Variants in SRRM3 observed in about 807,000 individuals in gnomAD.
The protein encoded by SRRM3 is serine/arginine repetitive matrix protein 3.
Under a neutral mutation model 66.2 loss-of-function variants are expected in SRRM3, and 27 were observed. The ratio of observed to expected loss-of-function variants is 0.41; its 90% CI spans 0.30 to 0.56. The LOEUF (loss-of-function observed/expected upper bound fraction) is 0.56. Ranked by LOEUF, SRRM3 falls within the 20% of genes least tolerant of loss-of-function variation. The probability of loss-of-function intolerance (pLI) is 0.32; values close to 1 mark genes in which losing one functional copy is unlikely to be tolerated. For synonymous variants in SRRM3, 391 were observed against 414.9 expected (o/e 0.94, Z 0.70); for missense variants, 918 against 991.9 (o/e 0.93, Z 1.00).
chr7:76,282,665 C>G lies in SRRM3; in HGVS notation c.1388C>G (p.Pro463Arg), dbSNP rs1383359268. Residue 463 changes from proline to arginine, a missense_variant, in exon 13 of 15, where the codon CCG (proline) becomes CGG (arginine). Pro to Arg is a moderately radical substitution (Grantham distance 103, BLOSUM62 -2). Transcript: ENST00000611745. ...TCCTCCAGGGCCAAGGAGCGGCCCC[C>G]GCGCGCGCGGCCCGCCAGCACCTCT... ...GHGKRAKERPPRARPASTSPS... is the reference protein window; with the variant it reads ...GHGKRAKERPRRARPASTSPS... The G allele has an allele frequency of 4.3e-6, 6 of 1,400,550 alleles. No homozygotes were observed. Among genetic ancestry groups the G allele is most frequent in the Non-Finnish European group, 5.5e-6 (6 of 1,083,646 alleles). The allele number at this position is 1,400,550 out of a possible 1,614,324, so 86.8% of individuals were successfully genotyped here.
chr7:76,248,796 A>C (rs1801502853), intron 3 of SRRM3, among the ~76,000 whole-genome samples: 1 of 151,790 alleles, frequency 6.6e-6, no homozygotes, highest in Non-Finnish European at 1.5e-5. Flanking sequence ...CTTGGCCAAC[A>C]CGTCGAAACC....
Position 76,262,200 on chromosome 7 carries a change from G to C in SRRM3, c.674+619G>C, listed in dbSNP as rs143524007. Among the ~76,000 whole-genome samples the C allele has an allele frequency of 2.0e-4, 30 of 152,102 alleles. No individual in the cohort carries two copies. The East Asian group carries it at 4.8e-3, about 24-fold the overall frequency. On this transcript the variant is annotated intron_variant, in intron 8 of 14. Transcript: ENST00000611745. The stretch of plus-strand genomic sequence containing the variant: ...CAGAGTGGTGCAGGAGAAGAGGGTT[G>C]CTGAGAAAGCAGAAAACAGCCTGAG...
At chr7:76,244,992 A>G (rs1381421467) in intron 2 of SRRM3, among the ~76,000 whole-genome samples, 5 of 152,234 alleles carry the variant, frequency 3.3e-5, no homozygotes, top group African/African-American at 1.2e-4. Context: ...AGCATTGGAT[A>G]CAGACCAGCC....
chr7:76,247,988 C>T (rs960889647), intron 2 of SRRM3, among the ~76,000 whole-genome samples, 200 bp from the exon 3 acceptor site: 4 of 152,260 alleles, frequency 2.6e-5, no homozygotes, highest in Non-Finnish European at 4.4e-5. Flanking sequence ...AGCCACTGCG[C>T]CTGGCCAGGC....
At chr7:76,264,605 A>G (rs907938767) in intron 8 of SRRM3, among the ~76,000 whole-genome samples, 160 bp from the exon 9 acceptor site, 3 of 152,152 alleles carry the variant, frequency 2.0e-5, no homozygotes, top group African/African-American at 7.2e-5. Flanking sequence ...TGAAAGGGAC[A>G]AAGGGGTGGA....
In SRRM3 at chr7:76,261,370, C is replaced by G; in HGVS notation, c.594C>G (p.Pro198=). ...TCCACAGCTGTGGGAGCTCCTCACC[C>G]CTCCGCAAGAAGAAGAAGAGTGTGA... ...ESECSCGSSS[P]LRKKKKSVKK... is the part of the protein sequence containing the mutation. Residue 198 remains proline (P), a synonymous_variant, in exon 7 of 15, where the codon CCC becomes CCG. Coordinates refer to ENST00000611745, the MANE Select transcript of SRRM3 (RefSeq NM_001110199.3). The G allele has an allele frequency of 6.3e-7, 1 of 1,596,670 alleles. No homozygotes were observed. The highest frequency in any genetic ancestry group is 8.5e-7 in the Non-Finnish European group (1 of 1,171,470).
At chr7:76,281,243 GCT>G (rs1162819900) in intron 11 of SRRM3, among the ~76,000 whole-genome samples, 196 bp from the exon 12 acceptor site, 1 of 142,882 alleles carries the variant, frequency 7.0e-6, no homozygotes, top group African/African-American at 2.6e-5. Context: ...TCTGTCTCTC[GCT>G]CTTTTTCTGT....
rs978746285 is a variant in SRRM3, at chr7:76,282,764, C to G, written c.1487C>G (p.Pro496Arg). 3 of 1,465,246 alleles carry G rather than the reference C, an allele frequency of 2.0e-6. No individual in the cohort carries two copies. Among genetic ancestry groups the G allele is most frequent in the Non-Finnish European group, 2.7e-6 (3 of 1,114,454 alleles). 90.8% of individuals were successfully genotyped at this position (1,465,246 alleles called of 1,614,324 possible). Reference sequence around the variant, plus strand: ...TCGTCGCGCAGCCCCGGCCCGCACCCCCGCTCCTGGAGCTCCAGCCGCTCG... The same window carrying G: ...TCGTCGCGCAGCCCCGGCCCGCACCGCCGCTCCTGGAGCTCCAGCCGCTCG... Reference protein sequence around the residue: ...KSSSRSPGPHPRSWSSSRSPS... With the variant: ...KSSSRSPGPHRRSWSSSRSPS... Residue 496 changes from proline to arginine, a missense_variant, in exon 13 of 15, where the codon CCC (proline) becomes CGC (arginine). Coordinates refer to ENST00000611745, the MANE Select transcript of SRRM3 (RefSeq NM_001110199.3).
rs566384388 is a variant in SRRM3, at chr7:76,230,878, G to A, written c.-39-4150G>A. On this transcript the variant is annotated intron_variant, in intron 1 of 14. Coordinates refer to ENST00000611745, the MANE Select transcript of SRRM3 (RefSeq NM_001110199.3). Reference sequence around the variant, plus strand: ...CGATTCTCGTGCCTCAGCCTGCTGAGTAGCTGGGATTACAGGCGCCCACCA... The same window carrying A: ...CGATTCTCGTGCCTCAGCCTGCTGAATAGCTGGGATTACAGGCGCCCACCA... Among the ~76,000 whole-genome samples the A allele has an allele frequency of 2.6e-5, 4 of 151,846 alleles. No homozygotes were observed. In the South Asian group the frequency reaches 8.3e-4, roughly 32 times the overall value.
rs968594016 is a variant in SRRM3, at chr7:76,286,049, G to A, written c.*206G>A. The A allele has an allele frequency of 1.6e-5, 10 of 611,564 alleles. No individual in the cohort carries two copies. Among genetic ancestry groups the A allele is most frequent in the Non-Finnish European group, 2.9e-5 (10 of 339,496 alleles). The allele number at this position is 611,564 out of a possible 1,614,324, so 37.9% of individuals were successfully genotyped here. The stretch of plus-strand genomic sequence containing the variant: ...GAGAAGCCAGATGTGCTGCTTCTAC[G>A]GGTGTCCTCTCCCACCTCCTGTCCA... On this transcript the variant is annotated 3_prime_UTR_variant, in exon 15 of 15. Transcript: ENST00000611745.
chr7:76,245,527 A>G (rs1004639594), intron 2 of SRRM3, among the ~76,000 whole-genome samples: 58 of 152,362 alleles, frequency 3.8e-4, no homozygotes, highest in African/African-American at 1.3e-3. Flanking sequence ...AATGTGAAAT[A>G]AGCACATCAT....
chr7:76,280,703 GCTCCGGGAC>G (rs1802473833), intron 11 of SRRM3, among the ~76,000 whole-genome samples: 1 of 151,912 alleles, frequency 6.6e-6, no homozygotes, highest in Non-Finnish European at 1.5e-5. Flanking sequence ...TGTGTGCGAT[GCTCCGGGAC>G]TGGCAGCCCC....
intron 11 of SRRM3, among the ~76,000 whole-genome samples, chr7:76,280,854 T>C (rs948749939): frequency 1.5e-4 from 22 of 148,406 alleles, no homozygotes; most frequent in Non-Finnish European, 1.8e-4. Context: ...CCTGTCTGGA[T>C]TTTTTCTGTT....
chr7:76,283,374 AG>A (rs1802581873), intron 14 of SRRM3: 4 of 534,744 alleles, frequency 7.5e-6, no homozygotes, highest in East Asian at 3.4e-5. Flanking sequence ...GGGCCCATGA[AG>A]GGGAGGGGGC....
chr7:76,271,377 T>C (rs1802209891), intron 11 of SRRM3, among the ~76,000 whole-genome samples: 1 of 151,948 alleles, frequency 6.6e-6, no homozygotes, highest in African/African-American at 2.4e-5. Flanking sequence ...CTGAGGGAGA[T>C]GAGGGAGGAG....
At chr7:76,235,463 T>C (rs1275831401) in intron 2 of SRRM3, among the ~76,000 whole-genome samples, 164 bp downstream of exon 2, 1 of 152,136 alleles carries the variant, frequency 6.6e-6, no homozygotes, top group South Asian at 2.1e-4. Context: ...CCCAAGAGCC[T>C]TGTCCAGACA....
At chr7:76,271,768 G>A (rs2117088741) in intron 11 of SRRM3, among the ~76,000 whole-genome samples, 1 of 152,334 alleles carries the variant, frequency 6.6e-6, no homozygotes, top group East Asian at 1.9e-4. Flanking sequence ...GCAGAAGGAG[G>A]ATTTGGGAGG....
At chr7:76,281,370 T>C (rs1242070041) in intron 11 of SRRM3, 71 bp from the exon 12 acceptor site, 1 of 1,096,780 alleles carries the variant, frequency 9.1e-7, no homozygotes. Flanking sequence ...TCTCCTCTCT[T>C]CTCTCTCTGT....
At position 76,282,953 on chromosome 7, in the gene SRRM3, C is replaced by T; in HGVS notation, c.1596-11C>T. 1.5e-6 allele frequency: 2 copies of T among 1,336,570 alleles called. No homozygotes were observed. The highest frequency in any genetic ancestry group is 1.9e-5 in the South Asian group (1 of 52,074). The allele number at this position is 1,336,570 out of a possible 1,614,324, so 82.8% of individuals were successfully genotyped here. ...GCCGCGTCGCTCACTTACCTCGCGC[C>T]GGCCCCGCAGGGACAAGGACGGCGA... On this transcript the variant is annotated splice_polypyrimidine_tract_variant and intron_variant, in intron 13 of 14. Coordinates refer to ENST00000611745, the MANE Select transcript of SRRM3 (RefSeq NM_001110199.3).
Sources: gnomAD v4.1 joint callset for allele counts (sites outside exome capture counted in the v4.1 genomes callset) on GRCh38, gnomAD v4.1.1 for gene constraint, MANE v1.5 for transcripts, NCBI Gene and HGNC (gene_info 2026-07-23, HGNC 2026-07-21) for gene names.